CADM2: variants seen among roughly 807,000 people sequenced by gnomAD.
The protein encoded by CADM2 is immunoglobulin superfamily member 4D.
A neutral mutation model predicts 49.8 loss-of-function variants in CADM2; 12 were observed. The ratio of observed to expected loss-of-function variants is 0.24; its 90% CI spans 0.15 to 0.39. The LOEUF is 0.39. Ranked by LOEUF, CADM2 falls within the 10% of genes least tolerant of loss-of-function variation. The pLI, the probability that CADM2 is intolerant of heterozygous loss-of-function variation, is 1.00. For missense variants in CADM2, 378 were observed against 492.3 expected (o/e 0.77, Z 2.20); for synonymous variants, 214 against 175.4 (o/e 1.22, Z -1.74).
intron 1 of CADM2, among the ~76,000 whole-genome samples, chr3:85,165,753 TTGATA>T (rs2040455075): frequency 6.6e-6 from 1 of 151,828 alleles, no homozygotes; most frequent in Non-Finnish European, 1.5e-5. Flanking sequence ...TCATTTAAAA[TTGATA>T]ACTATTTTTC....
chr3:85,294,329 A>G (rs987942999), intron 1 of CADM2, among the ~76,000 whole-genome samples: 2 of 152,132 alleles, frequency 1.3e-5, no homozygotes. Context: ...GCTCATAGGT[A>G]GGAAGAATCA....
chr3:85,778,098 A>G (rs2070447508), intron 2 of CADM2, among the ~76,000 whole-genome samples: 1 of 152,172 alleles, frequency 6.6e-6, no homozygotes, highest in Non-Finnish European at 1.5e-5. Context: ...AAATAATGGT[A>G]GCATGAGGAA....
intron 1 of CADM2, among the ~76,000 whole-genome samples, chr3:85,328,330 T>C (rs949536098): frequency 3.3e-5 from 5 of 152,224 alleles, no homozygotes; most frequent in African/African-American, 9.6e-5. Flanking sequence ...TTACAGGAAA[T>C]GTATTAAAAT....
chr3:85,623,526 T>G (rs1282301035), intron 1 of CADM2, among the ~76,000 whole-genome samples: 1 of 152,052 alleles, frequency 6.6e-6, no homozygotes, highest in Non-Finnish European at 1.5e-5. Context: ...GCAAACAACG[T>G]AAGTGTGAGA....
intron 1 of CADM2, among the ~76,000 whole-genome samples, chr3:85,095,979 C>T (rs944981591): frequency 6.6e-6 from 1 of 151,944 alleles, no homozygotes; most frequent in South Asian, 2.1e-4. Context: ...CTCCAAGTCT[C>T]TAGGGTTTCT....
intron 1 of CADM2, among the ~76,000 whole-genome samples, chr3:85,508,411 T>C (rs2040453823): frequency 6.6e-6 from 1 of 152,182 alleles, no homozygotes; most frequent in African/African-American, 2.4e-5. Context: ...TAGCTGTGCA[T>C]AAGCAAGTTG....
At chr3:85,869,784 A>G (rs2075852355) in intron 3 of CADM2, among the ~76,000 whole-genome samples, 1 of 152,002 alleles carries the variant, frequency 6.6e-6, no homozygotes, top group African/African-American at 2.4e-5. Context: ...TCAGCCTCCC[A>G]AGTAGCTGGG....
At chr3:85,507,583 G>T (rs971140665) in intron 1 of CADM2, among the ~76,000 whole-genome samples, 3 of 152,086 alleles carry the variant, frequency 2.0e-5, no homozygotes, top group Non-Finnish European at 4.4e-5. Flanking sequence ...CTGTCACTTT[G>T]CAAGTTTAGC....
At chr3:85,286,196 G>A (rs571750751) in intron 1 of CADM2, among the ~76,000 whole-genome samples, 70 of 152,228 alleles carry the variant, frequency 4.6e-4, no homozygotes, top group African/African-American at 1.6e-3. Context: ...ATCTGGGACC[G>A]GAGCTGATCT....
chr3:86,045,438 T>C (rs1736542145), intron 8 of CADM2, among the ~76,000 whole-genome samples: 1 of 152,086 alleles, frequency 6.6e-6, no homozygotes, highest in African/African-American at 2.4e-5. Flanking sequence ...TCTGTTCCAC[T>C]TCCCAGGGAC....
chr3:85,871,976 G>A (rs993095258), intron 3 of CADM2, among the ~76,000 whole-genome samples: 13 of 152,086 alleles, frequency 8.5e-5, no homozygotes, highest in African/African-American at 1.9e-4. Context: ...TTTTCAAATC[G>A]TGTATTTTTC....
chr3:85,993,169 A>C (rs761012478), intron 8 of CADM2: 1 of 152,164 alleles, frequency 6.6e-6, no homozygotes, highest in Non-Finnish European at 1.5e-5. Flanking sequence ...CAAGACCTTG[A>C]TTCTGCAAAA....
chr3:85,695,115 AAAT>A lies in CADM2; in HGVS notation c.62-31403_62-31401del, dbSNP rs148654319. On this transcript the variant is annotated intron_variant, in intron 1 of 9. Transcript: ENST00000383699. ...CCATGATCCACTCCCAAGAATGTTA[AAAT>A]AATGACTTAAATATTTATTGTTTCA... Among the ~76,000 whole-genome samples, 1,509 of 152,276 alleles carry A rather than the reference AAAT, an allele frequency of 9.9e-3. 16 individuals carry two copies. The highest frequency in any genetic ancestry group is 0.045 in the Middle Eastern group (13 of 292).
chr3:85,345,731 G>T (rs1241740930), intron 1 of CADM2, among the ~76,000 whole-genome samples: 1 of 152,170 alleles, frequency 6.6e-6, no homozygotes, highest in East Asian at 1.9e-4. Context: ...TGCTGTAAAG[G>T]AAATTATTGG....
chr3:86,039,833 CA>C (rs201036561), intron 8 of CADM2, among the ~76,000 whole-genome samples: 3,123 of 151,560 alleles, frequency 0.021, 86 homozygotes, highest in African/African-American at 0.062. Context: ...AGGCACCCCC[CA>C]GTAGGGGCAG....
intron 1 of CADM2, among the ~76,000 whole-genome samples, chr3:85,571,514 A>T (rs1429543031): frequency 1.3e-5 from 2 of 152,024 alleles, no homozygotes; most frequent in East Asian, 1.9e-4. Context: ...ATTATTGGAT[A>T]AAAAAAGAAG....
intron 1 of CADM2, among the ~76,000 whole-genome samples, chr3:85,333,364 AT>A (rs1201525734): frequency 2.6e-5 from 4 of 151,986 alleles, no homozygotes; most frequent in African/African-American, 7.2e-5. Flanking sequence ...TAGAAAAAAA[AT>A]GTTAGATAAG....
At chr3:85,802,332 T>G in intron 3 of CADM2, 136 bp downstream of exon 3, 1 of 732,518 alleles carries the variant, frequency 1.4e-6, no homozygotes, top group Non-Finnish European at 2.0e-6. Flanking sequence ...ACATGTTAAA[T>G]ATTAAATACT....
At chr3:85,135,835 G>T (rs114254705) in intron 1 of CADM2, among the ~76,000 whole-genome samples, 2 of 151,850 alleles carry the variant, frequency 1.3e-5, no homozygotes, top group Non-Finnish European at 1.5e-5. Context: ...TTAGAGAGCC[G>T]TAGTATTGAA....
Sources: gnomAD v4.1 joint callset for allele counts (sites outside exome capture counted in the v4.1 genomes callset) on GRCh38, gnomAD v4.1.1 for gene constraint, MANE v1.5 for transcripts, NCBI Gene and HGNC (gene_info 2026-07-23, HGNC 2026-07-21) for gene names.